Variants in ARHGAP31 observed in about 807,000 individuals in gnomAD.
The protein encoded by ARHGAP31 is rho GTPase-activating protein 31.
ARHGAP31 carries 34 observed loss-of-function variants against 113.9 expected under a neutral mutation model. The observed-to-expected ratio is 0.30, with a 90% CI of 0.23 to 0.40. ARHGAP31 has a LOEUF of 0.40. Among genes scored for constraint, ARHGAP31 ranks in the 10% least tolerant of loss-of-function variants. The pLI is 1.00. For synonymous variants in ARHGAP31, 650 were observed against 684.8 expected, an observed-to-expected ratio of 0.95 and a Z score of 0.79; for missense variants, 1,548 against 1,767.1, an observed-to-expected ratio of 0.88 and a Z score of 2.22.
chr3:119,349,742 T>C (rs12630032), intron 1 of ARHGAP31, among the ~76,000 whole-genome samples: 4,749 of 152,246 alleles, frequency 0.031, 114 homozygotes, highest in East Asian at 0.11. Flanking sequence ...TAACAAACTA[T>C]TTAAAGAAGA....
At chr3:119,379,419 C>T (rs1012345048) in intron 3 of ARHGAP31, among the ~76,000 whole-genome samples, 1 of 152,112 alleles carries the variant, frequency 6.6e-6, no homozygotes, top group African/African-American at 2.4e-5. Flanking sequence ...AAGTTAATTC[C>T]CTTCCACTTT....
At chr3:119,395,514 G>C (rs2080543591) in intron 8 of ARHGAP31, among the ~76,000 whole-genome samples, 1 of 152,194 alleles carries the variant, frequency 6.6e-6, no homozygotes, top group African/African-American at 2.4e-5. Flanking sequence ...AGTGGCTGTA[G>C]TAGTTCTAGG....
chr3:119,386,445 G>A (rs2080448858), intron 6 of ARHGAP31, among the ~76,000 whole-genome samples: 1 of 152,232 alleles, frequency 6.6e-6, no homozygotes, highest in South Asian at 2.1e-4. Flanking sequence ...GCTCCCTTGG[G>A]CCTCTTTTAT....
At chr3:119,335,572 G>A (rs2079937398) in intron 1 of ARHGAP31, among the ~76,000 whole-genome samples, 1 of 152,140 alleles carries the variant, frequency 6.6e-6, no homozygotes, top group African/African-American at 2.4e-5. Flanking sequence ...GAATGGTATT[G>A]GGGAGGAGAA....
intron 1 of ARHGAP31, among the ~76,000 whole-genome samples, chr3:119,303,421 G>A (rs1039837150): frequency 1.3e-5 from 2 of 152,198 alleles, no homozygotes; most frequent in Non-Finnish European, 2.9e-5. Flanking sequence ...ACTCCTTGGT[G>A]TGAACCACAT....
intron 1 of ARHGAP31, among the ~76,000 whole-genome samples, chr3:119,364,736 T>A (rs1365832863): frequency 1.3e-5 from 2 of 152,192 alleles, no homozygotes; most frequent in Non-Finnish European, 2.9e-5. Context: ...AGTTGTGGAA[T>A]GTCCAAGCTC....
intron 1 of ARHGAP31, among the ~76,000 whole-genome samples, chr3:119,353,787 CAAAA>C (rs5852199): frequency 0.098 from 8,641 of 88,290 alleles, 364 homozygotes; most frequent in Admixed American, 0.22. Flanking sequence ...GACTCCATCT[CAAAA>C]AAAAAAAAAA....
intron 1 of ARHGAP31, among the ~76,000 whole-genome samples, chr3:119,335,476 C>G (rs558765658): frequency 6.6e-6 from 1 of 152,050 alleles, no homozygotes; most frequent in Non-Finnish European, 1.5e-5. Flanking sequence ...CTTTGAGGAG[C>G]CCCTAGGCCA....
intron 1 of ARHGAP31, among the ~76,000 whole-genome samples, chr3:119,322,987 C>G (rs2079806028): frequency 6.6e-6 from 1 of 152,230 alleles, no homozygotes; most frequent in Non-Finnish European, 1.5e-5. Context: ...GTTTCTGCCC[C>G]GCCCCGGGGT....
intron 1 of ARHGAP31, among the ~76,000 whole-genome samples, chr3:119,300,202 G>A (rs542697498): frequency 2.3e-4 from 35 of 152,286 alleles, no homozygotes; most frequent in African/African-American, 7.2e-4. Context: ...AGATTGATAC[G>A]AAAATAAATG....
intron 1 of ARHGAP31, among the ~76,000 whole-genome samples, chr3:119,305,092 A>C (rs946471339): frequency 6.6e-6 from 1 of 152,300 alleles, no homozygotes; most frequent in East Asian, 1.9e-4. Flanking sequence ...GAGGTTAAGT[A>C]ACTTGCCTCC....
At chr3:119,340,948 A>G (rs1420521482) in intron 1 of ARHGAP31, among the ~76,000 whole-genome samples, 1 of 152,222 alleles carries the variant, frequency 6.6e-6, no homozygotes, top group Non-Finnish European at 1.5e-5. Flanking sequence ...GTGGTCATTC[A>G]GCTGGCCAGA....
intron 1 of ARHGAP31, among the ~76,000 whole-genome samples, chr3:119,361,062 C>A (rs2107620776): frequency 6.6e-6 from 1 of 152,266 alleles, no homozygotes; most frequent in African/African-American, 2.4e-5. Flanking sequence ...TGTCCAGAAT[C>A]CTAGGGTGTC....
intron 1 of ARHGAP31, among the ~76,000 whole-genome samples, chr3:119,352,965 GC>G (rs1250323401): frequency 1.3e-5 from 2 of 152,084 alleles, no homozygotes; most frequent in Non-Finnish European, 2.9e-5. Flanking sequence ...TCTGTTTCCT[GC>G]CCCAAAAGAA....
chr3:119,401,786 C>T, intron 9 of ARHGAP31, 36 bp from the exon 10 acceptor site: 1 of 1,603,270 alleles, frequency 6.2e-7, no homozygotes, highest in Non-Finnish European at 8.5e-7. Context: ...TATGTGTGCC[C>T]CGGCTGCTGA....
intron 7 of ARHGAP31, among the ~76,000 whole-genome samples, chr3:119,392,594 A>ACAGCAGGGCAGAGCCG (rs1199305162): frequency 5.3e-5 from 8 of 152,240 alleles, no homozygotes; most frequent in African/African-American, 1.9e-4. Flanking sequence ...GGGCAGAGCC[A>ACAGCAGGGCAGAGCCG]CAGCAGGGCA....
At chr3:119,337,083 T>C (rs895464519) in intron 1 of ARHGAP31, among the ~76,000 whole-genome samples, 1 of 152,244 alleles carries the variant, frequency 6.6e-6, no homozygotes, top group Non-Finnish European at 1.5e-5. Context: ...TTCCACTTTT[T>C]GGCTGTTGTG....
intron 6 of ARHGAP31, among the ~76,000 whole-genome samples, chr3:119,383,753 C>G (rs1339109320): frequency 1.3e-5 from 2 of 152,160 alleles, no homozygotes; most frequent in Non-Finnish European, 2.9e-5. Flanking sequence ...CTATGCCAGG[C>G]AGTAGGCATA....
At chr3:119,344,898 G>T (rs761181730) in intron 1 of ARHGAP31, among the ~76,000 whole-genome samples, 1 of 151,952 alleles carries the variant, frequency 6.6e-6, no homozygotes, top group Non-Finnish European at 1.5e-5. Flanking sequence ...TTTTTTACCC[G>T]AATTGAGATG....
Sources: gnomAD v4.1 joint callset for allele counts (sites outside exome capture counted in the v4.1 genomes callset) on GRCh38, gnomAD v4.1.1 for gene constraint, MANE v1.5 for transcripts, NCBI Gene and HGNC (gene_info 2026-07-23, HGNC 2026-07-21) for gene names.